Variants in PCM1 observed in about 807,000 individuals in gnomAD.
PCM1 encodes pericentriolar material 1 protein.
A neutral mutation model predicts 241.9 loss-of-function variants in PCM1; 157 were observed. The observed-to-expected ratio is 0.65, with a 90% confidence interval of 0.57 to 0.74. The LOEUF (loss-of-function observed/expected upper bound fraction) is 0.74. Among genes scored for constraint, PCM1 ranks in the 30% least tolerant of loss-of-function variants. The pLI is 0.00. For missense variants in PCM1, 3,478 were observed against 2,360.1 expected (o/e 1.47, Z -9.81); for synonymous variants, 1,085 against 784.9 (o/e 1.38, Z -6.39).
intron 24 of PCM1, among the ~76,000 whole-genome samples, chr8:17,985,218 G>A (rs554293995): frequency 2.0e-5 from 3 of 151,786 alleles, no homozygotes; most frequent in East Asian, 3.9e-4. Flanking sequence ...GCTAGGTAAT[G>A]TTATTCATTA....
chr8:17,923,653 G>T (rs1262545510), intron 1 of PCM1, among the ~76,000 whole-genome samples: 1 of 152,062 alleles, frequency 6.6e-6, no homozygotes, highest in Non-Finnish European at 1.5e-5. Context: ...AGTTTGGGGT[G>T]TAGAAGGGCG....
intron 38 of PCM1, among the ~76,000 whole-genome samples, chr8:18,026,737 AT>A (rs1036415170): frequency 6.6e-6 from 1 of 151,426 alleles, no homozygotes; most frequent in Non-Finnish European, 1.5e-5. Flanking sequence ...TGTTTGTTCT[AT>A]TTTTTACTTT....
At chr8:17,952,944 CT>C in intron 8 of PCM1, 25 bp from the exon 9 acceptor site, 1 of 1,412,026 alleles carries the variant, frequency 7.1e-7, no homozygotes, top group South Asian at 1.4e-5. Context: ...CTTAATTCTT[CT>C]TTTTTGTTGT....
chr8:17,996,544 A>G (rs1343259720), intron 29 of PCM1, among the ~76,000 whole-genome samples: 2 of 151,572 alleles, frequency 1.3e-5, no homozygotes. Context: ...TAAAATACCA[A>G]CTTTTTGTTT....
Position 17,937,199 on chromosome 8 carries a change from A to G in PCM1, c.162A>G (p.Val54=). The G allele has an allele frequency of 6.2e-7, 1 of 1,600,708 alleles. No individual in the cohort carries two copies. Among genetic ancestry groups the G allele is most frequent in the South Asian group, 1.1e-5 (1 of 89,158 alleles). Residue 54 remains valine, a synonymous_variant, in exon 4 of 39, where the codon GTA becomes GTG. Transcript: ENST00000325083. ...AAAAGAATAAGAAAAAGTTTGGTGTAGAAAGTGATAAAAGAGTAACCAATG... is the reference window on the plus strand; with the variant it reads ...AAAAGAATAAGAAAAAGTTTGGTGTGGAAAGTGATAAAAGAGTAACCAATG... ...SSEKNKKKFG[V]ESDKRVTNDI...
chr8:17,989,744 TA>T, intron 26 of PCM1, 114 bp from the exon 27 acceptor site: 6 of 564,896 alleles, frequency 1.1e-5, no homozygotes. Context: ...TGAGGAAACT[TA>T]TGAATATCTT....
In PCM1 at chr8:17,957,375, CAG is replaced by C; in HGVS notation, c.1760_1761del (p.Arg587IlefsTer19). 6.2e-7 allele frequency: 1 copy of C among 1,612,284 alleles called. No homozygotes were observed. The highest frequency in any genetic ancestry group is 1.1e-5 in the South Asian group (1 of 91,068). ...TVNSNCEINN[R>X]SAANIRALNM... ...TTAATTCTAATTGTGAAATTAACAA[CAG>C]ATCTGCTGCCAACATAAGGGCTCTA... On this transcript the variant is annotated frameshift_variant, in exon 12 of 39. Transcript: ENST00000325083. LOFTEE classifies it high-confidence loss of function.
At chr8:17,931,688 G>C (rs75793292) in intron 2 of PCM1, among the ~76,000 whole-genome samples, 2 of 151,788 alleles carry the variant, frequency 1.3e-5, no homozygotes, top group African/African-American at 4.8e-5. Flanking sequence ...TCCAATTTAC[G>C]TTTCAAAACA....
chr8:17,955,637 C>A lies in PCM1; in HGVS notation c.1456C>A (p.Pro486Thr), dbSNP rs776224391. ...GAGTGAAAACGAAGGCCACCTCAATCCATCTGAAAAACTCCAGTAAAACAT... is the reference window on the plus strand; with the variant it reads ...GAGTGAAAACGAAGGCCACCTCAATACATCTGAAAAACTCCAGTAAAACAT... ...NESENEGHLN[P>T]SEKLQKLNEV... Residue 486 changes from proline to threonine, a missense_variant, in exon 10 of 39, where the codon CCA (proline) becomes ACA (threonine). Pro to Thr is a conservative substitution (Grantham distance 38, BLOSUM62 -1). Transcript: ENST00000325083. 9.9e-6 allele frequency: 16 copies of A among 1,612,364 alleles called. No individual in the cohort carries two copies. The highest frequency in any genetic ancestry group is 1.3e-5 in the Non-Finnish European group (15 of 1,178,520).
intron 2 of PCM1, among the ~76,000 whole-genome samples, chr8:17,932,116 T>G (rs1020015232): frequency 1.3e-5 from 2 of 152,176 alleles, no homozygotes; most frequent in Non-Finnish European, 2.9e-5. Context: ...GCTTCATAAT[T>G]ACATATTTTG....
intron 15 of PCM1, among the ~76,000 whole-genome samples, chr8:17,960,924 C>T (rs1288574230): frequency 6.6e-6 from 1 of 152,052 alleles, no homozygotes; most frequent in Non-Finnish European, 1.5e-5. Context: ...GTGTAAAAGA[C>T]AGCACATAGG....
At chr8:17,978,131 A>T (rs2079405772) in intron 23 of PCM1, among the ~76,000 whole-genome samples, 1 of 152,196 alleles carries the variant, frequency 6.6e-6, no homozygotes, top group Non-Finnish European at 1.5e-5. Flanking sequence ...TTTAATGTTT[A>T]GATTATTTAA....
At chr8:17,985,892 C>T in intron 25 of PCM1, 67 bp from the exon 26 acceptor site, 1 of 1,094,464 alleles carries the variant, frequency 9.1e-7, no homozygotes, top group Non-Finnish European at 1.3e-6. Context: ...ATTTTTGAAT[C>T]TGTAATATAA....
chr8:17,946,911 A>G (rs1205889244), intron 6 of PCM1, among the ~76,000 whole-genome samples: 4 of 149,032 alleles, frequency 2.7e-5, no homozygotes, highest in Non-Finnish European at 5.9e-5. Flanking sequence ...TATGTTTTGT[A>G]TATCTTTTTC....
chr8:18,013,687 G>A (rs893758283), intron 34 of PCM1: 7 of 283,484 alleles, frequency 2.5e-5, no homozygotes, highest in African/African-American at 1.5e-4. Context: ...TCTGCATTAA[G>A]TGTCTTTTAG....
Position 17,953,198 on chromosome 8 carries a change from T to C in PCM1, c.1288+12T>C. ...TAACAATTCATCATGTGAGTAAATC[T>C]GGTTCAGCAGTATTGGGTATAAGAC... is the stretch of plus-strand genomic sequence containing the variant. On this transcript the variant is annotated intron_variant, in intron 9 of 38. Transcript: ENST00000325083. The C allele has an allele frequency of 6.9e-7, 1 of 1,453,434 alleles. No individual in the cohort carries two copies. Among genetic ancestry groups the C allele is most frequent in the African/African-American group, 1.4e-5 (1 of 71,714 alleles). The allele number at this position is 1,453,434 out of a possible 1,614,324, so 90.0% of individuals were successfully genotyped here. A position where few individuals can be genotyped will look rare whatever the true frequency, so the allele number is the denominator to read the frequency against.
chr8:18,014,095 T>TA (rs71545505), intron 35 of PCM1, 59 bp downstream of exon 35: 7,659 of 613,720 alleles, frequency 0.012, 41 homozygotes, highest in African/African-American at 0.042. Flanking sequence ...GCTTTAAAGC[T>TA]AAAAAAAAAA....
chr8:17,940,520 G>C (rs759234142), intron 6 of PCM1, among the ~76,000 whole-genome samples: 1 of 152,170 alleles, frequency 6.6e-6, no homozygotes, highest in Non-Finnish European at 1.5e-5. Context: ...TGATTACTTA[G>C]CATGTAGTCT....
chr8:17,963,392 C>G, intron 17 of PCM1, 101 bp downstream of exon 17: 3 of 770,670 alleles, frequency 3.9e-6, no homozygotes, highest in South Asian at 2.1e-5. Context: ...CAGCACAAAT[C>G]TGCTATTTCA....
Sources: gnomAD v4.1 joint callset for allele counts (sites outside exome capture counted in the v4.1 genomes callset) on GRCh38, gnomAD v4.1.1 for gene constraint, MANE v1.5 for transcripts, NCBI Gene and HGNC (gene_info 2026-07-23, HGNC 2026-07-21) for gene names.